Variants in DNAH5 observed in about 807,000 individuals in gnomAD.
DNAH5 encodes dynein axonemal heavy chain 5, also known as axonemal beta dynein heavy chain 5.
In DNAH5, 372 loss-of-function variants were observed where a neutral mutation model predicts 518.2. The ratio of observed to expected loss-of-function variants is 0.72; its 90% CI spans 0.66 to 0.78. The LOEUF (loss-of-function observed/expected upper bound fraction) is 0.78, where lower values mean the gene tolerates loss of function less well. Among genes scored for constraint, DNAH5 ranks in the 30% least tolerant of loss-of-function variants. The probability of loss-of-function intolerance (pLI) is 0.00; values close to 1 mark genes in which losing one functional copy is unlikely to be tolerated. For missense variants in DNAH5, 5,523 were observed against 5,687.0 expected, an observed-to-expected ratio of 0.97 and a Z score of 0.93; for synonymous variants, 2,039 against 2,025.9, an observed-to-expected ratio of 1.01 and a Z score of -0.17.
chr5:13,706,578 C>G (rs1320913863), intron 76 of DNAH5, among the ~76,000 whole-genome samples: 1 of 152,170 alleles, frequency 6.6e-6, no homozygotes, highest in Non-Finnish European at 1.5e-5. Context: ...CATGGGTGTG[C>G]ATGCACATCA....
chr5:13,850,695 G>T lies in DNAH5; in HGVS notation c.5071C>A (p.His1691Asn). The T allele has an allele frequency of 6.2e-7, 1 of 1,614,126 alleles. No individual in the cohort carries two copies. Among genetic ancestry groups the T allele is most frequent in the East Asian group, 2.2e-5 (1 of 44,896 alleles). Residue 1691 changes from histidine to asparagine, a missense_variant, in exon 31 of 79, where the codon CAC becomes AAC. Physicochemically the swap from His to Asn is moderately conservative, Grantham distance 68. Around this residue, in one of 3 missense-constraint regions of DNAH5, gnomAD observed 5,121 missense variants for 5,223.3 expected, o/e 0.98. Coordinates refer to ENST00000265104, the MANE Select transcript of DNAH5 (RefSeq NM_001369.3). ...CATATTTCCAACTGGTCCAGCAAGTGTGGTAACAGCTGCCCCAGGGTCTCA... is the reference window on the plus strand; with the variant it reads ...CATATTTCCAACTGGTCCAGCAAGTTTGGTAACAGCTGCCCCAGGGTCTCA... ...GDETLGQLLP[H>N]LLDQLEICQK...
chr5:14,003,173 T>C (rs770931573), intron 1 of DNAH5, among the ~76,000 whole-genome samples: 56 of 152,340 alleles, frequency 3.7e-4, no homozygotes, highest in Non-Finnish European at 7.3e-4. Flanking sequence ...CTAACTGATC[T>C]ATTTCTATAA....
chr5:13,861,275 T>C (rs1358627198), intron 29 of DNAH5, among the ~76,000 whole-genome samples: 1 of 152,216 alleles, frequency 6.6e-6, no homozygotes, highest in African/African-American at 2.4e-5. Flanking sequence ...TAAAACTCAC[T>C]AAATCCTGAG....
intron 1 of DNAH5, among the ~76,000 whole-genome samples, chr5:14,004,232 T>G (rs1489637835): frequency 6.6e-6 from 1 of 152,090 alleles, no homozygotes; most frequent in Non-Finnish European, 1.5e-5. Context: ...GTTCCTTATC[T>G]GAAAGAGAAA....
intron 70 of DNAH5, among the ~76,000 whole-genome samples, chr5:13,722,439 A>C (rs999130403): frequency 6.6e-6 from 1 of 152,194 alleles, no homozygotes; most frequent in Non-Finnish European, 1.5e-5. Context: ...TGTGGGTTAC[A>C]ATGAGAGAGA....
rs117396500 is a variant in DNAH5, at chr5:13,781,727, G to A, written c.8821-768C>T. 9.0e-3 allele frequency among the ~76,000 whole-genome samples: 1,368 copies of A among 152,006 alleles called. 62 individuals carry two copies. In the East Asian group the frequency reaches 0.15, roughly 16 times the overall value. ...CCTCTTCAGCCATGTGGAACTATAAGTCCAATTAAACCTTTTCCTTCCCAG... is the reference window on the plus strand; with the variant it reads ...CCTCTTCAGCCATGTGGAACTATAAATCCAATTAAACCTTTTCCTTCCCAG... On this transcript the variant is annotated intron_variant, in intron 52 of 78. Transcript: ENST00000265104.
chr5:13,961,608 C>T (rs932475508), intron 1 of DNAH5, among the ~76,000 whole-genome samples: 9 of 151,954 alleles, frequency 5.9e-5, no homozygotes, highest in East Asian at 3.8e-4. Flanking sequence ...CACATCACTG[C>T]GCTCCAGCCC....
intron 47 of DNAH5, among the ~76,000 whole-genome samples, chr5:13,802,484 G>C (rs888426010): frequency 6.6e-6 from 1 of 152,128 alleles, no homozygotes. Flanking sequence ...TCATTATGCT[G>C]ATTTCTGTAA....
At chr5:13,968,217 G>C (rs1222852109) in intron 1 of DNAH5, among the ~76,000 whole-genome samples, 1 of 152,282 alleles carries the variant, frequency 6.6e-6, no homozygotes, top group East Asian at 1.9e-4. Flanking sequence ...TTTGGGATGA[G>C]TCTTTAGAGT....
At chr5:13,906,384 T>C (rs1465819873) in intron 12 of DNAH5, among the ~76,000 whole-genome samples, 2 of 152,212 alleles carry the variant, frequency 1.3e-5, no homozygotes, top group East Asian at 1.9e-4. Flanking sequence ...TAAATCTCTG[T>C]ACTTCCTCTC....
At chr5:13,987,368 T>C (rs1783125372) in intron 1 of DNAH5, among the ~76,000 whole-genome samples, 1 of 151,994 alleles carries the variant, frequency 6.6e-6, no homozygotes, top group Admixed American at 6.5e-5. Context: ...TAACTGAAAA[T>C]GTAATATATA....
At chr5:13,749,192 AG>A (rs1157913310) in intron 65 of DNAH5, among the ~76,000 whole-genome samples, 11 of 152,178 alleles carry the variant, frequency 7.2e-5, no homozygotes, top group African/African-American at 2.4e-4. Context: ...AATAAAGGTT[AG>A]GCGTTATAAT....
chr5:13,752,019 C>A, intron 64 of DNAH5, 115 bp downstream of exon 64: 1 of 1,146,962 alleles, frequency 8.7e-7, no homozygotes, highest in South Asian at 1.3e-5. Flanking sequence ...AAAAACAAAC[C>A]TTTCCCAAGG....
Position 13,870,759 on chromosome 5 carries a change from T to C in DNAH5, c.3834+8A>G, listed in dbSNP as rs762484857. The C allele has an allele frequency of 4.4e-6, 7 of 1,605,270 alleles. No homozygotes were observed. Among genetic ancestry groups the C allele is most frequent in the African/African-American group, 4.0e-5 (3 of 74,746 alleles). ...TATTTCTATAATGAACAAATGATCATTAGTTACCTCAATAGGTCCTACTTG... is the reference window on the plus strand; with the variant it reads ...TATTTCTATAATGAACAAATGATCACTAGTTACCTCAATAGGTCCTACTTG... On this transcript the variant is annotated splice_region_variant and intron_variant, in intron 24 of 78. Coordinates refer to ENST00000265104, the MANE Select transcript of DNAH5 (RefSeq NM_001369.3).
chr5:13,876,936 A>C, intron 21 of DNAH5, 119 bp from the exon 22 acceptor site: 1 of 1,010,786 alleles, frequency 9.9e-7, no homozygotes, highest in Non-Finnish European at 1.5e-6. Flanking sequence ...TCCTTTATAA[A>C]AACAATGAAA....
At chr5:13,872,173 A>T (rs935780695) in intron 22 of DNAH5, among the ~76,000 whole-genome samples, 5 of 152,170 alleles carry the variant, frequency 3.3e-5, no homozygotes, top group Non-Finnish European at 5.9e-5. Context: ...CTCCTCCAAG[A>T]TTCTTCATTG....
chr5:13,883,128 T>G, intron 19 of DNAH5, 34 bp from the exon 20 acceptor site: 1 of 1,605,840 alleles, frequency 6.2e-7, no homozygotes, highest in Non-Finnish European at 8.5e-7. Context: ...GAATTCACAT[T>G]TTTAATACAA....
intron 68 of DNAH5, among the ~76,000 whole-genome samples, chr5:13,731,182 A>G (rs1238562362): frequency 6.6e-6 from 1 of 152,246 alleles, no homozygotes; most frequent in Non-Finnish European, 1.5e-5. Flanking sequence ...CCATCAAAAT[A>G]TATTTACAAT....
chr5:13,855,777 G>A (rs1995386), intron 30 of DNAH5, among the ~76,000 whole-genome samples: 9,390 of 152,064 alleles, frequency 0.062, 305 homozygotes, highest in African/African-American at 0.079. Flanking sequence ...GCAAAAGAAT[G>A]CAAATCATAA....
Sources: allele counts gnomAD v4.1 joint callset (sites outside exome capture counted in the v4.1 genomes callset), GRCh38; gene constraint gnomAD v4.1.1; regional missense constraint gnomAD v4.1.1; transcripts MANE v1.5; gene names NCBI Gene and HGNC (gene_info 2026-07-23, HGNC 2026-07-21).